Variants in SCG5 observed in about 807,000 individuals in gnomAD.
The protein encoded by SCG5 is secretogranin V, also known as neuroendocrine protein 7B2.
Under a neutral mutation model 25.7 loss-of-function variants are expected in SCG5, and 18 were observed. The observed-to-expected ratio is 0.70, with a 90% CI of 0.48 to 1.04. The LOEUF (loss-of-function observed/expected upper bound fraction) is 1.04, where lower values mean the gene tolerates loss of function less well. Ranked by LOEUF, SCG5 falls within the 50% of genes least tolerant of loss-of-function variation. The pLI is 0.00. For synonymous variants in SCG5, 101 were observed against 91.7 expected, an observed-to-expected ratio of 1.10 and a Z score of -0.58; for missense variants, 206 against 259.8, an observed-to-expected ratio of 0.79 and a Z score of 1.42.
In SCG5 at chr15:32,642,280, T is replaced by A. The variant is rs993242082; in HGVS notation, c.-8+502T>A. Among the ~76,000 whole-genome samples the A allele has an allele frequency of 3.3e-5, 5 of 152,116 alleles. No individual in the cohort carries two copies. The South Asian group carries it at 1.0e-3, about 32-fold the overall frequency. On this transcript the variant is annotated intron_variant, in intron 1 of 5. Transcript: ENST00000300175. ...TAGAAGAATGATTAGAAGGAGGGTT[T>A]GCGCCGGTCCTGGTGGCTCACGCCT...
intron 2 of SCG5, among the ~76,000 whole-genome samples, chr15:32,674,775 C>G (rs758077078): frequency 3.3e-5 from 5 of 152,146 alleles, no homozygotes; most frequent in Non-Finnish European, 5.9e-5. Context: ...GAATTGCCAA[C>G]CTCAAAGGGA....
Position 32,645,753 on chromosome 15 carries a change from T to C in SCG5, c.226+1935T>C, listed in dbSNP as rs7169277. On this transcript the variant is annotated intron_variant, in intron 2 of 5. Transcript: ENST00000300175. ...CATGGAGACATGAAAGATCATGGAT[T>C]AGGACAATTCAGAATTAAAAACTCT... Among the ~76,000 whole-genome samples the C allele has an allele frequency of 5.5e-3, 841 of 152,312 alleles. 5 individuals carry two copies. Among genetic ancestry groups the C allele is most frequent in the African/African-American group, 0.019 (792 of 41,562 alleles).
At chr15:32,661,288 C>T (rs1292012948) in intron 2 of SCG5, among the ~76,000 whole-genome samples, 3 of 152,218 alleles carry the variant, frequency 2.0e-5, no homozygotes, top group Non-Finnish European at 4.4e-5. Context: ...CCTCTACCCA[C>T]TAGATGCCAG....
chr15:32,679,661 C>T, intron 2 of SCG5, 105 bp from the exon 3 acceptor site: 2 of 1,247,188 alleles, frequency 1.6e-6, no homozygotes, highest in Admixed American at 1.9e-5. Context: ...TTTTCTCTCC[C>T]CACAGCAGAA....
At position 32,643,603 on chromosome 15, in the gene SCG5, G is replaced by A. The variant is rs772090948; in HGVS notation, c.11G>A (p.Arg4Lys). MVS[R>K]MVSTMLSGLL... ...ATCTGCAGGTTGACAATGGTCTCCA[G>A]GATGGTCTCTACCATGCTATCTGGC... Residue 4 changes from arginine to lysine, a missense_variant, in exon 2 of 6, where the codon AGG becomes AAG. Transcript: ENST00000300175. 68 of 1,613,556 alleles carry A rather than the reference G, an allele frequency of 4.2e-5. No individual in the cohort carries two copies. The African/African-American group carries it at 8.7e-4, about 21-fold the overall frequency.
chr15:32,694,431 T>A (rs2054917961), intron 5 of SCG5, among the ~76,000 whole-genome samples: 1 of 152,240 alleles, frequency 6.6e-6, no homozygotes, highest in South Asian at 2.1e-4. Context: ...GACTGTGAAC[T>A]TTTAAACTCT....
chr15:32,642,594 A>AT (rs2053882740), intron 1 of SCG5, among the ~76,000 whole-genome samples: 1 of 149,180 alleles, frequency 6.7e-6, no homozygotes. Context: ...AAAAAAAAAA[A>AT]AGGGTTTGCA....
In SCG5 at chr15:32,680,540, T is replaced by TC. The variant is rs571470230; in HGVS notation, c.376+627dup. Among the ~76,000 whole-genome samples, 66 of 152,266 alleles carry TC rather than the reference T, an allele frequency of 4.3e-4. 2 individuals are homozygous for TC. The South Asian group carries it at 0.013, about 30-fold the overall frequency. The stretch of plus-strand genomic sequence containing the variant: ...TAATGAAAGGGGAAACACTTTTTTT[T>TC]CCTTTTCCATGATACAACTTCTGCT... On this transcript the variant is annotated intron_variant, in intron 3 of 5. Transcript: ENST00000300175.
intron 4 of SCG5, among the ~76,000 whole-genome samples, chr15:32,689,286 C>G (rs758672603): frequency 2.6e-5 from 4 of 152,184 alleles, no homozygotes; most frequent in Non-Finnish European, 5.9e-5. Flanking sequence ...GGTGTTCAAA[C>G]TGTCCTAAAT....
chr15:32,646,534 G>A (rs2053946374), intron 2 of SCG5, among the ~76,000 whole-genome samples: 1 of 152,170 alleles, frequency 6.6e-6, no homozygotes, highest in Non-Finnish European at 1.5e-5. Context: ...TATGATCCTG[G>A]GAGTGACTAT....
chr15:32,666,104 T>C (rs779443700), intron 2 of SCG5, among the ~76,000 whole-genome samples: 1 of 152,114 alleles, frequency 6.6e-6, no homozygotes, highest in Non-Finnish European at 1.5e-5. Flanking sequence ...AATAAACAAA[T>C]AGGTCTTCTT....
rs149993801 is a variant in SCG5 at position 32,645,226 on chromosome 15, A to C, written c.226+1408A>C. 5.4e-4 allele frequency among the ~76,000 whole-genome samples: 82 copies of C among 152,328 alleles called. 1 individual carries two copies. The East Asian group carries it at 0.015, about 27-fold the overall frequency. The stretch of plus-strand genomic sequence containing the variant: ...AAATATCTACCTTTTTAAGGCAGGA[A>C]GTGCTTGGTTATTCACCTAAGCTGT... On this transcript the variant is annotated intron_variant, in intron 2 of 5. Transcript: ENST00000300175.
At chr15:32,696,408 C>T (rs956171852) in intron 5 of SCG5, 106 bp from the exon 6 acceptor site, 27 of 788,296 alleles carry the variant, frequency 3.4e-5, no homozygotes, top group African/African-American at 1.2e-4. Flanking sequence ...TGAGCCACCG[C>T]GCCCGGCCCC....
chr15:32,643,950 TAAGA>T, intron 2 of SCG5, 132 bp downstream of exon 2: 1 of 710,220 alleles, frequency 1.4e-6, no homozygotes, highest in South Asian at 1.9e-5. Flanking sequence ...AGCTAATTTT[TAAGA>T]GACTCTACTT....
intron 2 of SCG5, among the ~76,000 whole-genome samples, chr15:32,658,480 G>C (rs1414298744): frequency 6.6e-6 from 1 of 152,206 alleles, no homozygotes; most frequent in East Asian, 1.9e-4. Context: ...TTTTTAACCA[G>C]TATGTGTTGA....
At chr15:32,678,248 A>G (rs563910508) in intron 2 of SCG5, among the ~76,000 whole-genome samples, 36 of 152,342 alleles carry the variant, frequency 2.4e-4, no homozygotes, top group Middle Eastern at 3.4e-3. Flanking sequence ...GCAAAATACT[A>G]TAATAGTAAC....
chr15:32,670,161 G>A (rs2054395273), intron 2 of SCG5, among the ~76,000 whole-genome samples: 1 of 152,376 alleles, frequency 6.6e-6, no homozygotes, highest in African/African-American at 2.4e-5. Flanking sequence ...AGAAAGAGAA[G>A]GAATGAAAAC....
chr15:32,691,649 G>A, intron 4 of SCG5, 61 bp from the exon 5 acceptor site: 2 of 1,331,764 alleles, frequency 1.5e-6, no homozygotes, highest in South Asian at 1.3e-5. Flanking sequence ...TTTTAAAATA[G>A]ACATTCACCA....
intron 2 of SCG5, chr15:32,666,584 G>A (rs1237276990): frequency 6.6e-6 from 1 of 152,204 alleles, no homozygotes; most frequent in Non-Finnish European, 1.5e-5. Flanking sequence ...CTGTTTTACA[G>A]AGAAGGAAAC....
Sources: gnomAD v4.1 joint callset for allele counts (sites outside exome capture counted in the v4.1 genomes callset) on GRCh38, gnomAD v4.1.1 for gene constraint, MANE v1.5 for transcripts, NCBI Gene and HGNC (gene_info 2026-07-23, HGNC 2026-07-21) for gene names.